The following RYR2 variants were observed in gnomAD, a reference collection of about 807,000 sequenced individuals.
The protein encoded by RYR2 is cardiac muscle ryanodine receptor-calcium release channel.
RYR2 carries 227 observed loss-of-function variants against 601.1 expected under a neutral mutation model. That is an observed-to-expected ratio of 0.38 (90% CI 0.34 to 0.42). RYR2 has a LOEUF of 0.42. Ranked by LOEUF, RYR2 falls within the 10% of genes least tolerant of loss-of-function variation. RYR2 has a pLI of 1.00. For synonymous variants in RYR2, 2,223 were observed against 2,175.1 expected, an observed-to-expected ratio of 1.02 and a Z score of -0.61; for missense variants, 4,646 against 6,156.5, an observed-to-expected ratio of 0.75 and a Z score of 8.21.
At chr1:237,345,106 G>A (rs926803414) in intron 3 of RYR2, among the ~76,000 whole-genome samples, 12 of 152,264 alleles carry the variant, frequency 7.9e-5, no homozygotes, top group African/African-American at 2.9e-4. Flanking sequence ...ACTGCGCCCA[G>A]CCTGTAGTAA....
chr1:237,274,674 A>G (rs1283012148), intron 2 of RYR2, among the ~76,000 whole-genome samples: 2 of 152,150 alleles, frequency 1.3e-5, no homozygotes, highest in African/African-American at 2.4e-5. Flanking sequence ...AGGCCTTCAC[A>G]TTCACCCACC....
At chr1:237,338,375 C>T (rs1490131048) in intron 3 of RYR2, among the ~76,000 whole-genome samples, 1 of 151,952 alleles carries the variant, frequency 6.6e-6, no homozygotes, top group Non-Finnish European at 1.5e-5. Context: ...TCTGAGTTTC[C>T]AGTAGTTAAT....
At chr1:237,645,129 A>C (rs1433220448) in intron 48 of RYR2, among the ~76,000 whole-genome samples, 1 of 152,168 alleles carries the variant, frequency 6.6e-6, no homozygotes, top group Non-Finnish European at 1.5e-5. Flanking sequence ...GGCAGGCTAT[A>C]ATAGCTCAAG....
rs77799043 is a variant in RYR2, at chr1:237,633,283, G to A, written c.6556-295G>A. Among the ~76,000 whole-genome samples, 383 of 152,234 alleles carry A rather than the reference G, an allele frequency of 2.5e-3. 1 individual carries two copies. The highest frequency in any genetic ancestry group is 8.8e-3 in the African/African-American group (364 of 41,544). ...TTCCCATGGAAGCACAGCTGATAGCGGTAGTGAGGCATCACAAATGAATCT... is the reference window on the plus strand; with the variant it reads ...TTCCCATGGAAGCACAGCTGATAGCAGTAGTGAGGCATCACAAATGAATCT... On this transcript the variant is annotated intron_variant, in intron 42 of 104. Transcript: ENST00000366574.
At chr1:237,590,587 A>C in intron 30 of RYR2, 53 bp from the exon 31 acceptor site, 2 of 1,412,992 alleles carry the variant, frequency 1.4e-6, no homozygotes, top group Non-Finnish European at 1.9e-6. Flanking sequence ...CTTTAGAATC[A>C]GGAAATTGAC....
At chr1:237,389,717 G>T (rs1384384666) in intron 10 of RYR2, among the ~76,000 whole-genome samples, 2 of 152,130 alleles carry the variant, frequency 1.3e-5, no homozygotes, top group Admixed American at 1.3e-4. Context: ...TGCAGGAGAT[G>T]GTACATGTTT....
intron 1 of RYR2, among the ~76,000 whole-genome samples, chr1:237,239,673 T>G (rs1211165305): frequency 1.3e-5 from 2 of 152,186 alleles, no homozygotes; most frequent in East Asian, 3.8e-4. Flanking sequence ...AGAAAAGAAA[T>G]AATTTGGGGG....
At position 237,437,667 on chromosome 1, in the gene RYR2, A is replaced by G. The variant is rs187348087; in HGVS notation, c.1006-3652A>G. 2.6e-5 allele frequency among the ~76,000 whole-genome samples: 4 copies of G among 152,332 alleles called. No individual in the cohort carries two copies. The East Asian group carries it at 5.8e-4, about 22-fold the overall frequency. The stretch of plus-strand genomic sequence containing the variant: ...ATTTCCCTGATAGTGAAAGTACAAC[A>G]TGCTATGAGAGTACATGAATGAAAA... On this transcript the variant is annotated intron_variant, in intron 12 of 104. Transcript: ENST00000366574.
chr1:237,605,772 AACAG>A (rs1213406274), intron 35 of RYR2, among the ~76,000 whole-genome samples: 9 of 152,200 alleles, frequency 5.9e-5, no homozygotes, highest in Admixed American at 4.6e-4. Flanking sequence ...ATACACCAAC[AACAG>A]ACAAACAGAG....
intron 32 of RYR2, 94 bp downstream of exon 32, chr1:237,591,947 C>T (rs188887161): frequency 1.5e-5 from 13 of 876,502 alleles, no homozygotes; most frequent in African/African-American, 5.1e-5. Flanking sequence ...TACTTAGTAA[C>T]ATTATTTTTA....
chr1:237,188,155 T>C (rs1679571978), intron 1 of RYR2, among the ~76,000 whole-genome samples: 1 of 152,162 alleles, frequency 6.6e-6, no homozygotes, highest in Admixed American at 6.5e-5. Flanking sequence ...CTCTGGCAGG[T>C]TGGCGAATTA....
intron 33 of RYR2, 99 bp from the exon 34 acceptor site, chr1:237,595,399 T>C: frequency 1.4e-6 from 2 of 1,395,990 alleles, no homozygotes; most frequent in Non-Finnish European, 9.8e-7. Context: ...AGCATGAGCT[T>C]GTTGCTTGCG....
At chr1:237,301,499 T>TA (rs1693348935) in intron 2 of RYR2, among the ~76,000 whole-genome samples, 1 of 152,178 alleles carries the variant, frequency 6.6e-6, no homozygotes, top group South Asian at 2.1e-4. Flanking sequence ...CTGTAGTTGA[T>TA]AAGAGTTCAA....
intron 67 of RYR2, 127 bp downstream of exon 67, chr1:237,705,470 G>A: frequency 2.6e-6 from 2 of 779,720 alleles, no homozygotes; most frequent in Non-Finnish European, 4.0e-6. Context: ...GTTCTTAAAT[G>A]TTATTGTTTG....
At chr1:237,453,604 A>G (rs958975640) in intron 14 of RYR2, among the ~76,000 whole-genome samples, 1 of 152,192 alleles carries the variant, frequency 6.6e-6, no homozygotes, top group African/African-American at 2.4e-5. Flanking sequence ...ATATTACAAT[A>G]TCAACTACAG....
intron 98 of RYR2, among the ~76,000 whole-genome samples, chr1:237,804,202 T>C (rs1411411402): frequency 2.0e-5 from 3 of 151,878 alleles, no homozygotes; most frequent in East Asian, 3.9e-4. Context: ...TCCTTGAACT[T>C]GCCCTCAAGC....
At chr1:237,315,062 A>G (rs180968557) in intron 2 of RYR2, among the ~76,000 whole-genome samples, 1 of 152,294 alleles carries the variant, frequency 6.6e-6, no homozygotes, top group East Asian at 1.9e-4. Flanking sequence ...TTTTTTCACC[A>G]AAGAATTTGA....
At chr1:237,082,670 A>C (rs932811338) in intron 1 of RYR2, among the ~76,000 whole-genome samples, 1 of 151,460 alleles carries the variant, frequency 6.6e-6, no homozygotes, top group African/African-American at 2.4e-5. Flanking sequence ...TTGGCTAAGC[A>C]GATGTGTGTG....
chr1:237,750,154 A>G (rs933450004), intron 80 of RYR2, among the ~76,000 whole-genome samples: 12 of 152,330 alleles, frequency 7.9e-5, no homozygotes, highest in African/African-American at 2.9e-4. Context: ...TCAAAAAACA[A>G]AAAAAGAAAA....
Sources: allele counts gnomAD v4.1 joint callset (sites outside exome capture counted in the v4.1 genomes callset), GRCh38; gene constraint gnomAD v4.1.1; transcripts MANE v1.5; gene names NCBI Gene and HGNC (gene_info 2026-07-23, HGNC 2026-07-21).